FBXO11: variants seen among roughly 807,000 people sequenced by gnomAD.
The protein encoded by FBXO11 is F-box protein 11.
FBXO11 carries 13 observed loss-of-function variants against 117.0 expected under a neutral mutation model. That is an observed-to-expected ratio of 0.11 (90% CI 0.07 to 0.18). The LOEUF (loss-of-function observed/expected upper bound fraction) is 0.18, where lower values mean the gene tolerates loss of function less well. Ranked by LOEUF, FBXO11 falls within the 10% of genes least tolerant of loss-of-function variation. The pLI is 1.00. For synonymous variants in FBXO11, 490 were observed against 380.5 expected (o/e 1.29, Z -3.35); for missense variants, 767 against 1,164.4 (o/e 0.66, Z 4.97).
chr2:47,818,566 A>G (rs1170217946), intron 16 of FBXO11: 7 of 469,472 alleles, frequency 1.5e-5, no homozygotes, highest in African/African-American at 8.1e-5. Context: ...GGTGGAAGTG[A>G]GCTCTTATGG....
intron 1 of FBXO11, among the ~76,000 whole-genome samples, chr2:47,880,015 A>G (rs866416572): frequency 2.7e-5 from 4 of 150,056 alleles, no homozygotes; most frequent in Non-Finnish European, 5.9e-5. Context: ...TTTTTTTTGG[A>G]AACGGGGTCT....
In FBXO11 at chr2:47,822,300, T is replaced by C; in HGVS notation, c.1620A>G (p.Gly540=). The change falls in exon 13 of 23, where the codon GGA becomes GGG. Residue 540 remains glycine, a synonymous_variant. Coordinates refer to ENST00000403359, the MANE Select transcript of FBXO11 (RefSeq NM_001190274.2). ...CTTGATTTCCATTAAATATAGAATTTCCCCTATAATTATGCGAAATAAAAA... is the reference window on the plus strand; with the variant it reads ...CTTGATTTCCATTAAATATAGAATTCCCCCTATAATTATGCGAAATAAAAA... ...ITSNSDPTIR[G]NSIFNGNQGG... The C allele has an allele frequency of 7.0e-6, 11 of 1,565,986 alleles. No individual in the cohort carries two copies. The highest frequency in any genetic ancestry group is 9.5e-6 in the Non-Finnish European group (11 of 1,151,912).
chr2:47,882,286 T>C (rs1299016673), intron 1 of FBXO11, among the ~76,000 whole-genome samples: 1 of 152,186 alleles, frequency 6.6e-6, no homozygotes, highest in African/African-American at 2.4e-5. Flanking sequence ...TTGTGGAGAA[T>C]TCTAAGGCCA....
intron 1 of FBXO11, among the ~76,000 whole-genome samples, chr2:47,876,604 T>C (rs1676023336): frequency 6.6e-6 from 1 of 152,234 alleles, no homozygotes; most frequent in Non-Finnish European, 1.5e-5. Context: ...ACTGTTCTGG[T>C]AAATACGTTG....
chr2:47,829,958 A>G (rs544767650), intron 11 of FBXO11, among the ~76,000 whole-genome samples: 1 of 152,332 alleles, frequency 6.6e-6, no homozygotes, highest in East Asian at 1.9e-4. Context: ...TGTAAAAATT[A>G]AAGGCAACAC....
At chr2:47,853,768 T>C (rs897969602) in intron 1 of FBXO11, among the ~76,000 whole-genome samples, 2 of 152,156 alleles carry the variant, frequency 1.3e-5, no homozygotes, top group African/African-American at 4.8e-5. Context: ...ACATTAGCTA[T>C]CATCATAATT....
chr2:47,904,841 G>A (rs1012719622), intron 1 of FBXO11, among the ~76,000 whole-genome samples: 4 of 152,040 alleles, frequency 2.6e-5, no homozygotes, highest in African/African-American at 4.8e-5. Flanking sequence ...GTCCTTCCCA[G>A]GGGTTCGTAA....
At chr2:47,826,193 G>GGA (rs1671743877) in intron 11 of FBXO11, among the ~76,000 whole-genome samples, 1 of 151,962 alleles carries the variant, frequency 6.6e-6, no homozygotes, top group Non-Finnish European at 1.5e-5. Flanking sequence ...CGAGTAGCTG[G>GGA]GACTACAGGT....
intron 1 of FBXO11, among the ~76,000 whole-genome samples, chr2:47,896,020 T>C (rs1180138718): frequency 2.0e-5 from 3 of 152,332 alleles, no homozygotes; most frequent in East Asian, 3.9e-4. Flanking sequence ...TAAATGTATA[T>C]AGCCCATTTA....
intron 1 of FBXO11, among the ~76,000 whole-genome samples, chr2:47,891,032 C>G (rs1410255527): frequency 6.6e-6 from 1 of 151,268 alleles, no homozygotes; most frequent in Non-Finnish European, 1.5e-5. Flanking sequence ...CTATGTTGCT[C>G]AGACTAGTAT....
At chr2:47,823,737 G>T (rs763878466) in intron 11 of FBXO11, among the ~76,000 whole-genome samples, 2 of 151,436 alleles carry the variant, frequency 1.3e-5, no homozygotes, top group Non-Finnish European at 2.9e-5. Context: ...TGGGTGACAA[G>T]AGCAAAACTC....
chr2:47,863,946 A>C (rs996097881), intron 1 of FBXO11, among the ~76,000 whole-genome samples: 3 of 152,078 alleles, frequency 2.0e-5, no homozygotes. Flanking sequence ...GTCTCAAAAA[A>C]AAAAAAACCA....
Position 47,823,298 on chromosome 2 carries a change from A to G in FBXO11, c.1461T>C (p.Tyr487=), listed in dbSNP as rs2104739426. The change falls in exon 12 of 23, where the codon TAT becomes TAC. Residue 487 remains tyrosine (Y), a synonymous_variant. Transcript: ENST00000403359. ...NRIAGFEVKA[Y]ANPTVVRCEI... ...CACATCGAACCACTGTAGGGTTAGCATAGGCTTTTACTTCAAAGCCTGCTA... is the reference window on the plus strand; with the variant it reads ...CACATCGAACCACTGTAGGGTTAGCGTAGGCTTTTACTTCAAAGCCTGCTA... The G allele has an allele frequency of 6.2e-7, 1 of 1,614,008 alleles. No individual in the cohort carries two copies.
chr2:47,868,218 G>C lies in FBXO11; in HGVS notation c.233-28449C>G, dbSNP rs537555919. 4.2e-3 allele frequency among the ~76,000 whole-genome samples: 636 copies of C among 151,158 alleles called. 2 individuals carry two copies. The highest frequency in any genetic ancestry group is 0.017 in the Middle Eastern group (5 of 292). On this transcript the variant is annotated intron_variant, in intron 1 of 22. Transcript: ENST00000403359. Reference sequence around the variant, plus strand: ...GAATCACTTGAACCCGGGAGGCGGAGGTTGCAGTGAGCCGAGATCGCGCCA... The same window carrying C: ...GAATCACTTGAACCCGGGAGGCGGACGTTGCAGTGAGCCGAGATCGCGCCA...
rs369209015 is a variant in FBXO11, at chr2:47,814,242, A to G, written c.2007-375T>C. The G allele has an allele frequency of 3.6e-3, 672 of 188,896 alleles. 3 individuals are homozygous for G. Among genetic ancestry groups the G allele is most frequent in the African/African-American group, 0.015 (631 of 42,712 alleles). 11.7% of individuals were successfully genotyped at this position (188,896 alleles called of 1,614,324 possible). A position where few individuals can be genotyped will look rare whatever the true frequency, so the allele number is the denominator to read the frequency against. On this transcript the variant is annotated intron_variant, in intron 16 of 22. Coordinates refer to ENST00000403359, the MANE Select transcript of FBXO11 (RefSeq NM_001190274.2). ...TATTGCAATAAAGAGAGTCGCATCA[A>G]TTTTTTGGTTTACATTATACTGTAG...
At chr2:47,901,800 C>T (rs1325387360) in intron 1 of FBXO11, among the ~76,000 whole-genome samples, 1 of 152,136 alleles carries the variant, frequency 6.6e-6, no homozygotes, top group Non-Finnish European at 1.5e-5. Flanking sequence ...GCAGTAAAGA[C>T]AATAAATTCA....
intron 1 of FBXO11, among the ~76,000 whole-genome samples, chr2:47,897,866 T>TA (rs1677794955): frequency 6.6e-6 from 1 of 152,176 alleles, no homozygotes; most frequent in Non-Finnish European, 1.5e-5. Flanking sequence ...TACATATTCT[T>TA]ACTCCATTTC....
At chr2:47,885,964 T>C (rs868068448) in intron 1 of FBXO11, among the ~76,000 whole-genome samples, 1 of 152,342 alleles carries the variant, frequency 6.6e-6, no homozygotes, top group Middle Eastern at 3.4e-3. Context: ...ACTAGTTGCC[T>C]CTTTACTCTC....
intron 21 of FBXO11, 71 bp downstream of exon 21, chr2:47,809,087 G>GC: frequency 2.1e-6 from 2 of 937,098 alleles, no homozygotes; most frequent in Non-Finnish European, 3.3e-6. Context: ...AGCCAAAAAT[G>GC]CTAGGCATTG....
Sources: allele counts gnomAD v4.1 joint callset (sites outside exome capture counted in the v4.1 genomes callset), GRCh38; gene constraint gnomAD v4.1.1; transcripts MANE v1.5; gene names NCBI Gene and HGNC (gene_info 2026-07-23, HGNC 2026-07-21).